The following MYOF variants were observed in gnomAD, a reference collection of about 807,000 sequenced individuals.
The protein encoded by MYOF is fer-1-like 3, myoferlin.
MYOF carries 244 observed loss-of-function variants against 284.2 expected under a neutral mutation model. That is an observed-to-expected ratio of 0.86 (90% CI 0.77 to 0.95). The LOEUF is 0.95. Among genes scored for constraint, MYOF ranks in the 40% least tolerant of loss-of-function variants. The probability of loss-of-function intolerance (pLI) is 0.00; values close to 1 mark genes in which losing one functional copy is unlikely to be tolerated. For synonymous variants in MYOF, 904 were observed against 919.7 expected, an observed-to-expected ratio of 0.98 and a Z score of 0.31; for missense variants, 2,496 against 2,560.6, an observed-to-expected ratio of 0.97 and a Z score of 0.54.
chr10:93,451,970 A>T, intron 3 of MYOF, 80 bp downstream of exon 3: 6 of 1,002,062 alleles, frequency 6.0e-6, no homozygotes, highest in Non-Finnish European at 9.3e-6. Flanking sequence ...ATACGTTATT[A>T]AAGATGTGTC....
rs1004684406 is a variant in MYOF, at chr10:93,326,862, C to T, written c.5132-897G>A. On this transcript the variant is annotated intron_variant, in intron 45 of 53. Transcript: ENST00000359263. ...CTGGTGTCGAACTCCTGGGCTCAGGCGATCTGCCCTCCTCGGCCTCCCAAA... is the reference window on the plus strand; with the variant it reads ...CTGGTGTCGAACTCCTGGGCTCAGGTGATCTGCCCTCCTCGGCCTCCCAAA... Among the ~76,000 whole-genome samples the T allele has an allele frequency of 1.6e-4, 24 of 151,994 alleles. 1 individual carries two copies. Among genetic ancestry groups the T allele is most frequent in the African/African-American group, 4.1e-4 (17 of 41,300 alleles).
At chr10:93,447,789 C>T (rs189643095) in intron 3 of MYOF, among the ~76,000 whole-genome samples, 306 of 152,252 alleles carry the variant, frequency 2.0e-3, no homozygotes, top group Middle Eastern at 0.01. Flanking sequence ...GTGAGCCTGA[C>T]GGTGGGGGGC....
chr10:93,462,534 A>G (rs2056907622), intron 1 of MYOF, among the ~76,000 whole-genome samples: 1 of 152,160 alleles, frequency 6.6e-6, no homozygotes, highest in African/African-American at 2.4e-5. Flanking sequence ...AACCAGGTCT[A>G]GTATGACTCC....
intron 42 of MYOF, 152 bp from the exon 43 acceptor site, chr10:93,333,464 T>G (rs997386616): frequency 1.3e-5 from 9 of 692,822 alleles, no homozygotes; most frequent in Non-Finnish European, 2.0e-5. Flanking sequence ...GGAGCAATGC[T>G]CTCCTTTGGG....
chr10:93,375,209 G>A (rs2133979262), intron 22 of MYOF, among the ~76,000 whole-genome samples: 1 of 152,338 alleles, frequency 6.6e-6, no homozygotes, highest in Non-Finnish European at 1.5e-5. Flanking sequence ...AGGCCTTAGG[G>A]TTTAACCTAC....
intron 1 of MYOF, among the ~76,000 whole-genome samples, chr10:93,477,414 C>T (rs1318944756): frequency 1.3e-5 from 2 of 151,858 alleles, no homozygotes; most frequent in African/African-American, 4.8e-5. Flanking sequence ...ATCACTTAAA[C>T]CCGGGAGGTG....
chr10:93,397,395 T>C lies in MYOF; in HGVS notation c.1283A>G (p.Gln428Arg). ...AAGAAAATAAAGTCAAACCTTGATC[T>C]GAAGATTGACGACCTGATTCCACTC... ...NPEWNQVVNL[Q>R]IKFPSVCEKI... The change falls in exon 14 of 54, where the codon CAG (glutamine) becomes CGG (arginine). Residue 428 changes from glutamine (Q) to arginine (R), a missense_variant. Physicochemically the swap from Gln to Arg is conservative, Grantham distance 43. Around this residue, in one of 3 missense-constraint regions of MYOF, gnomAD observed 2,436 missense variants for 2,480.7 expected, o/e 0.98. Coordinates refer to ENST00000359263, the MANE Select transcript of MYOF (RefSeq NM_013451.4). 6 of 1,611,794 alleles carry C rather than the reference T, an allele frequency of 3.7e-6. No homozygotes were observed. The highest frequency in any genetic ancestry group is 5.1e-6 in the Non-Finnish European group (6 of 1,179,286).
rs569505886 is a variant in MYOF at position 93,338,772 on chromosome 10, T to C, written c.4339-859A>G. ...GTTGGGAATCTCTGGTTTGAATGGG[T>C]AGTCCTTGGTTGGGCAGAAGGGACA... On this transcript the variant is annotated intron_variant, in intron 39 of 53. Coordinates refer to ENST00000359263, the MANE Select transcript of MYOF (RefSeq NM_013451.4). Among the ~76,000 whole-genome samples the C allele has an allele frequency of 3.3e-4, 50 of 152,110 alleles. 1 individual carries two copies. The highest frequency in any genetic ancestry group is 5.2e-4 in the Admixed American group (8 of 15,272).
chr10:93,431,332 C>T (rs1399739651), intron 4 of MYOF, 76 bp downstream of exon 4: 35 of 1,326,986 alleles, frequency 2.6e-5, no homozygotes, highest in Non-Finnish European at 3.6e-5. Flanking sequence ...CACGCCCGGC[C>T]TTAGACCTTT....
rs58891282 is a variant in MYOF, at chr10:93,329,001, C to G, written c.4983-90G>C. On this transcript the variant is annotated intron_variant, in intron 44 of 53. Coordinates refer to ENST00000359263, the MANE Select transcript of MYOF (RefSeq NM_013451.4). Reference sequence around the variant, plus strand: ...ATACATGCTCATGTACTCTTAGGTGCTCCCATATAGTGGGTGCAGAAAATC... The same window carrying G: ...ATACATGCTCATGTACTCTTAGGTGGTCCCATATAGTGGGTGCAGAAAATC... The G allele has an allele frequency of 4.6e-3, 6,333 of 1,372,854 alleles. 196 individuals are homozygous for G. The African/African-American group carries it at 0.067, about 15-fold the overall frequency. The allele number at this position is 1,372,854 out of a possible 1,614,324, so 85.0% of individuals were successfully genotyped here. A position where few individuals can be genotyped will look rare whatever the true frequency, so the allele number is the denominator to read the frequency against.
Position 93,366,278 on chromosome 10 carries a change from T to G in MYOF, c.2753+114A>C, listed in dbSNP as rs1167037647. 3 of 1,107,166 alleles carry G rather than the reference T, an allele frequency of 2.7e-6. No individual in the cohort carries two copies. The African/African-American group carries it at 4.7e-5, about 17-fold the overall frequency. The allele number at this position is 1,107,166 out of a possible 1,614,324, so 68.6% of individuals were successfully genotyped here. ...CAAATTTCAATGGACTTAGTTCTGC[T>G]CAGTGGGTGTTACATAACTATTATC... On this transcript the variant is annotated intron_variant, in intron 26 of 53. Coordinates refer to ENST00000359263, the MANE Select transcript of MYOF (RefSeq NM_013451.4).
At chr10:93,438,334 C>CA (rs1211272530) in intron 3 of MYOF, among the ~76,000 whole-genome samples, 1 of 152,142 alleles carries the variant, frequency 6.6e-6, no homozygotes, top group Admixed American at 6.6e-5. Flanking sequence ...CCTTCCTGCC[C>CA]ATACTGTACC....
chr10:93,443,316 G>A (rs1383792043), intron 3 of MYOF, among the ~76,000 whole-genome samples: 1 of 152,138 alleles, frequency 6.6e-6, no homozygotes, highest in Non-Finnish European at 1.5e-5. Context: ...CCCCCGGTTG[G>A]CGGGAACATA....
At chr10:93,425,940 C>T (rs546624402) in intron 5 of MYOF, 131 bp downstream of exon 5, 10 of 883,256 alleles carry the variant, frequency 1.1e-5, no homozygotes, top group South Asian at 4.9e-5. Context: ...ACCTGCCTCT[C>T]GGGGCCCCTG....
At chr10:93,327,236 C>G (rs1357419080) in intron 45 of MYOF, among the ~76,000 whole-genome samples, 1 of 152,060 alleles carries the variant, frequency 6.6e-6, no homozygotes, top group Non-Finnish European at 1.5e-5. Context: ...CAACTGCCAG[C>G]TGTGTGTGTG....
intron 1 of MYOF, among the ~76,000 whole-genome samples, chr10:93,458,763 A>G (rs1429709041): frequency 6.6e-6 from 1 of 152,204 alleles, no homozygotes; most frequent in East Asian, 1.9e-4. Context: ...CCAGTTAATA[A>G]ATGGTCTTGC....
In MYOF at chr10:93,323,356, TC is replaced by T. The variant is rs1167760683; in HGVS notation, c.5273del (p.Gly1758GlufsTer35). ...AAACATCCACCCACATCTGAAGTTT[TC>T]CCTAAACCATTTGAAAATGAAAAGA... ...HSTFQPNISQ[G>X]KLQMWVDVFP... On this transcript the variant is annotated frameshift_variant and splice_region_variant, in exon 47 of 54. Transcript: ENST00000359263. LOFTEE classifies it high-confidence loss of function. 1 of 1,600,832 alleles carries T rather than the reference TC, an allele frequency of 6.2e-7. No homozygotes were observed. Among genetic ancestry groups the T allele is most frequent in the East Asian group, 2.2e-5 (1 of 44,532 alleles).
intron 53 of MYOF, among the ~76,000 whole-genome samples, chr10:93,308,946 A>G (rs1842260614): frequency 6.6e-6 from 1 of 152,164 alleles, no homozygotes; most frequent in South Asian, 2.1e-4. Flanking sequence ...TCCTGACCTC[A>G]AGTGATTCAC....
In MYOF at chr10:93,323,343, A is replaced by C; in HGVS notation, c.5287T>G (p.Trp1763Gly). ...AAACTCTTGGGGAAAACATCCACCCACATCTGAAGTTTTCCCTAAACCATT... is the reference window on the plus strand; with the variant it reads ...AAACTCTTGGGGAAAACATCCACCCCCATCTGAAGTTTTCCCTAAACCATT... ...PNISQGKLQM[W>G]VDVFPKSLGP... Residue 1763 changes from tryptophan to glycine, a missense_variant, in exon 47 of 54, where the codon TGG becomes GGG. Coordinates refer to ENST00000359263, the MANE Select transcript of MYOF (RefSeq NM_013451.4). 1.9e-6 allele frequency: 3 copies of C among 1,611,752 alleles called. No homozygotes were observed. The highest frequency in any genetic ancestry group is 2.5e-6 in the Non-Finnish European group (3 of 1,178,068).
Sources: gnomAD v4.1 joint callset for allele counts (sites outside exome capture counted in the v4.1 genomes callset) on GRCh38, gnomAD v4.1.1 for gene constraint, gnomAD v4.1.1 regional missense constraint, MANE v1.5 for transcripts, NCBI Gene and HGNC (gene_info 2026-07-23, HGNC 2026-07-21) for gene names.